PRMT7: variants seen among roughly 807,000 people sequenced by gnomAD.
The protein encoded by PRMT7 is protein arginine N-methyltransferase 7.
Under a neutral mutation model 85.4 loss-of-function variants are expected in PRMT7, and 75 were observed. That is an observed-to-expected ratio of 0.88 (90% CI 0.73 to 1.06). PRMT7 has a LOEUF of 1.06. Among genes scored for constraint, PRMT7 ranks in the 50% least tolerant of loss-of-function variants. PRMT7 has a pLI of 0.00. For missense variants in PRMT7, 868 were observed against 915.2 expected (o/e 0.95, Z 0.67); for synonymous variants, 397 against 359.5 (o/e 1.10, Z -1.18).
intron 2 of PRMT7, among the ~76,000 whole-genome samples, chr16:68,314,967 A>G (rs532051367): frequency 2.6e-5 from 4 of 152,162 alleles, no homozygotes; most frequent in African/African-American, 9.7e-5. Context: ...CACTATAAAA[A>G]ATAATGAAGC....
At chr16:68,352,644 G>A in intron 15 of PRMT7, 2 of 421,124 alleles carry the variant, frequency 4.7e-6, no homozygotes, top group African/African-American at 2.0e-5. Flanking sequence ...TTACAATTGT[G>A]GCTTATCAGA....
At chr16:68,314,135 T>G (rs180859519) in intron 2 of PRMT7, among the ~76,000 whole-genome samples, 6 of 152,266 alleles carry the variant, frequency 3.9e-5, no homozygotes, top group African/African-American at 9.6e-5. Flanking sequence ...TATGCTGAGA[T>G]TTTAGTAGTA....
Position 68,347,114 on chromosome 16 carries a change from A to G in PRMT7, c.1192-97A>G, listed in dbSNP as rs1054585580. ...AGGGGGATGGTCTGAGGTCTGGGCA[A>G]GTGGAGTGAGAAGGGAAGTATTTCT... On this transcript the variant is annotated intron_variant, in intron 11 of 18. Coordinates refer to ENST00000441236, the MANE Select transcript of PRMT7 (RefSeq NM_019023.5). 2.3e-5 allele frequency: 27 copies of G among 1,154,606 alleles called. No homozygotes were observed. The African/African-American group carries it at 4.0e-4, about 17-fold the overall frequency. The allele number at this position is 1,154,606 out of a possible 1,614,324, so 71.5% of individuals were successfully genotyped here. A position where few individuals can be genotyped will look rare whatever the true frequency, so the allele number is the denominator to read the frequency against.
intron 5 of PRMT7, chr16:68,328,308 A>G (rs1219147153): frequency 1.3e-5 from 2 of 156,112 alleles, no homozygotes; most frequent in East Asian, 1.9e-4. Flanking sequence ...TCCCTGTGGT[A>G]TGTAAGCCCT....
Position 68,348,329 on chromosome 16 carries a change from TTTTC to T in PRMT7, c.1324-7_1324-4del. 5 of 1,575,354 alleles carry T rather than the reference TTTTC, an allele frequency of 3.2e-6. No homozygotes were observed. Among genetic ancestry groups the T allele is most frequent in the South Asian group, 1.1e-5 (1 of 89,586 alleles). On this transcript the variant is annotated splice_polypyrimidine_tract_variant and intron_variant, in intron 13 of 18. Coordinates refer to ENST00000441236, the MANE Select transcript of PRMT7 (RefSeq NM_019023.5). ...TAGTATGAATACAGTAATTTTACGG[TTTTC>T]TTTCTAAGATCTTCAAGGCTAACCA...
At chr16:68,314,253 C>T (rs765791755) in intron 2 of PRMT7, among the ~76,000 whole-genome samples, 1 of 152,124 alleles carries the variant, frequency 6.6e-6, no homozygotes, top group Non-Finnish European at 1.5e-5. Flanking sequence ...GTTTTGGTGA[C>T]GGAGTCTTAC....
chr16:68,346,205 G>A lies in PRMT7; in HGVS notation c.1116G>A (p.Leu372=). ...CCGTGTGTGACTGCCAGGCTCACCTGCTCTGGAACCGGCCTCGGTTTGGAG... is the reference window on the plus strand; with the variant it reads ...CCGTGTGTGACTGCCAGGCTCACCTACTCTGGAACCGGCCTCGGTTTGGAG... ...MRPVCDCQAH[L]LWNRPRFGEI... The change falls in exon 11 of 19, where the codon CTG becomes CTA. Residue 372 remains leucine, a synonymous_variant. Transcript: ENST00000441236. The A allele has an allele frequency of 6.2e-7, 1 of 1,614,190 alleles. No individual in the cohort carries two copies.
At chr16:68,319,711 A>AGTGTGTGTGTGTGTGTGTGT (rs369478826) in intron 3 of PRMT7, among the ~76,000 whole-genome samples, 4,235 of 141,450 alleles carry the variant, frequency 0.03, 109 homozygotes, top group East Asian at 0.069. Context: ...TAAGAGTGAG[A>AGTGTGTGTGTGTGTGTGTGT]GTGTGTGTGT....
Position 68,352,252 on chromosome 16 carries a change from C to T in PRMT7, c.1418C>T (p.Ser473Phe). Residue 473 changes from serine to phenylalanine, a missense_variant, in exon 15 of 19, where the codon TCT becomes TTT. Physicochemically the swap from Ser to Phe is radical, Grantham distance 155 (BLOSUM62 -2). Coordinates refer to ENST00000441236, the MANE Select transcript of PRMT7 (RefSeq NM_019023.5). ...TGCTTCTCGCCCATTCACCAGGTCTCTCTCCTCCTGGGCGAGCCGTTCTTC... is the reference window on the plus strand; with the variant it reads ...TGCTTCTCGCCCATTCACCAGGTCTTTCTCCTCCTGGGCGAGCCGTTCTTC... ...TNEDLQGRKV[S>F]LLLGEPFFTT... The T allele has an allele frequency of 2.5e-6, 4 of 1,613,110 alleles. No individual in the cohort carries two copies. The highest frequency in any genetic ancestry group is 1.3e-5 in the African/African-American group (1 of 75,058).
At chr16:68,337,028 C>T (rs1318758301) in intron 6 of PRMT7, among the ~76,000 whole-genome samples, 1 of 152,238 alleles carries the variant, frequency 6.6e-6, no homozygotes, top group Non-Finnish European at 1.5e-5. Flanking sequence ...GCTAGGATTA[C>T]AGGCGTGAGC....
chr16:68,333,671 A>G (rs1268416185), intron 6 of PRMT7, among the ~76,000 whole-genome samples: 1 of 152,036 alleles, frequency 6.6e-6, no homozygotes, highest in Admixed American at 6.6e-5. Flanking sequence ...AGGGAGACTG[A>G]TCTGCAGGGC....
chr16:68,359,052 G>A (rs1026413416), downstream of PRMT7: 1 of 152,674 alleles, frequency 6.5e-6, no homozygotes, highest in African/African-American at 2.4e-5. Flanking sequence ...CCTGTGAGGT[G>A]GGAGGGGAGG....
At chr16:68,347,755 C>T in intron 13 of PRMT7, 77 bp downstream of exon 13, 1 of 1,384,066 alleles carries the variant, frequency 7.2e-7, no homozygotes, top group Non-Finnish European at 1.0e-6. Context: ...GTGGCATTGG[C>T]CCCAGGGGAA....
At chr16:68,324,989 A>G in intron 5 of PRMT7, 157 bp downstream of exon 5, 1 of 886,010 alleles carries the variant, frequency 1.1e-6, no homozygotes, top group Non-Finnish European at 1.7e-6. Flanking sequence ...TGAGTCAGAC[A>G]CAGTTCCTTC....
intron 14 of PRMT7, among the ~76,000 whole-genome samples, chr16:68,348,674 G>A (rs1042461619): frequency 7.8e-5 from 10 of 128,900 alleles, no homozygotes; most frequent in Middle Eastern, 5.1e-3. Context: ...ATGGGGTCTC[G>A]CGCTGTCGTC....
At chr16:68,324,970 G>A (rs779119241) in intron 5 of PRMT7, 138 bp downstream of exon 5, 81 of 1,087,692 alleles carry the variant, frequency 7.4e-5, no homozygotes, top group Non-Finnish European at 9.2e-5. Context: ...GGCTCTGAGC[G>A]TATAGAGATG....
At chr16:68,342,254 G>T (rs1363963149) in intron 9 of PRMT7, among the ~76,000 whole-genome samples, 1 of 152,068 alleles carries the variant, frequency 6.6e-6, no homozygotes, top group Non-Finnish European at 1.5e-5. Context: ...CTCAAACCTG[G>T]GTGGCAGAGC....
chr16:68,323,316 T>C (rs973539969), intron 4 of PRMT7, among the ~76,000 whole-genome samples: 3 of 151,914 alleles, frequency 2.0e-5, no homozygotes, highest in Non-Finnish European at 4.4e-5. Flanking sequence ...CCTCCCGAGT[T>C]CAAGTGATTC....
chr16:68,325,001 T>C, intron 5 of PRMT7, 169 bp downstream of exon 5: 1 of 785,240 alleles, frequency 1.3e-6, no homozygotes, highest in Non-Finnish European at 1.9e-6. Context: ...AGTTCCTTCC[T>C]CCAGGAGCTA....
Sources: gnomAD v4.1 joint callset for allele counts (sites outside exome capture counted in the v4.1 genomes callset) on GRCh38, gnomAD v4.1.1 for gene constraint, MANE v1.5 for transcripts, NCBI Gene and HGNC (gene_info 2026-07-23, HGNC 2026-07-21) for gene names.